The following ZNRF1 variants were observed in gnomAD, a reference collection of about 807,000 sequenced individuals.
ZNRF1 encodes the protein zinc and ring finger 1, also known as E3 ubiquitin-protein ligase ZNRF1.
ZNRF1 carries 3 observed loss-of-function variants against 18.4 expected under a neutral mutation model. The ratio of observed to expected loss-of-function variants is 0.16; its 90% CI spans 0.07 to 0.42. The LOEUF is 0.42. Ranked by LOEUF, ZNRF1 falls within the 10% of genes least tolerant of loss-of-function variation. The pLI is 0.99. For synonymous variants in ZNRF1, 157 were observed against 144.2 expected, an observed-to-expected ratio of 1.09 and a Z score of -0.64; for missense variants, 310 against 329.8, an observed-to-expected ratio of 0.94 and a Z score of 0.47.
chr16:75,103,768 C>T (rs897029304), intron 2 of ZNRF1, among the ~76,000 whole-genome samples: 2 of 152,126 alleles, frequency 1.3e-5, no homozygotes, highest in Non-Finnish European at 2.9e-5. Context: ...GGGTGGATCA[C>T]GAGGTCAGGA....
intron 1 of ZNRF1, among the ~76,000 whole-genome samples, chr16:75,077,952 A>G (rs534647881): frequency 1.3e-5 from 2 of 152,364 alleles, no homozygotes; most frequent in East Asian, 3.9e-4. Context: ...AAGGTTCTGT[A>G]TTCATCACAT....
intron 1 of ZNRF1, among the ~76,000 whole-genome samples, chr16:75,087,892 G>A (rs1334851482): frequency 6.6e-6 from 1 of 152,236 alleles, no homozygotes; most frequent in Non-Finnish European, 1.5e-5. Context: ...GGCGCTGGCT[G>A]GCTACTCCCC....
chr16:75,020,092 A>G (rs569727419), intron 1 of ZNRF1, among the ~76,000 whole-genome samples: 1 of 152,324 alleles, frequency 6.6e-6, no homozygotes, highest in South Asian at 2.1e-4. Flanking sequence ...TTCTCTTCAT[A>G]ATTTTGTCAA....
chr16:75,101,524 G>A (rs1284951080), intron 2 of ZNRF1, among the ~76,000 whole-genome samples: 1 of 151,872 alleles, frequency 6.6e-6, no homozygotes, highest in Non-Finnish European at 1.5e-5. Context: ...CCATCCTGGC[G>A]ATAGAGCGAG....
chr16:75,061,524 T>G (rs1567482673), intron 1 of ZNRF1, among the ~76,000 whole-genome samples: 1 of 106,928 alleles, frequency 9.4e-6, no homozygotes, highest in African/African-American at 3.5e-5. Flanking sequence ...TCATAGTGTA[T>G]ATGTACCTTC....
intron 1 of ZNRF1, among the ~76,000 whole-genome samples, chr16:75,064,251 A>G (rs1181851852): frequency 2.6e-5 from 4 of 152,092 alleles, no homozygotes; most frequent in African/African-American, 9.7e-5. Context: ...CGGTGAGCCA[A>G]GATTTGTGCC....
In ZNRF1 at chr16:75,067,437, TAC is replaced by T. The variant is rs59363872; in HGVS notation, c.425-26133_425-26132del. Reference sequence around the variant, plus strand: ...ATATATTGGTGCTATCTTTGGAAAATACAGTCTGCTACAAGTAAAACCCGTTC... The same window carrying T: ...ATATATTGGTGCTATCTTTGGAAAATAGTCTGCTACAAGTAAAACCCGTTC... On this transcript the variant is annotated intron_variant, in intron 1 of 4. Transcript: ENST00000335325. 6.8e-3 allele frequency among the ~76,000 whole-genome samples: 1,040 copies of T among 152,300 alleles called. 8 individuals carry two copies. The highest frequency in any genetic ancestry group is 0.024 in the African/African-American group (1,009 of 41,556).
At chr16:75,062,131 C>T (rs1486216905) in intron 1 of ZNRF1, among the ~76,000 whole-genome samples, 1 of 152,234 alleles carries the variant, frequency 6.6e-6, no homozygotes, top group Non-Finnish European at 1.5e-5. Context: ...TCAGTCACTT[C>T]AGAAGAATCG....
At chr16:75,098,668 G>C (rs945708411) in intron 2 of ZNRF1, among the ~76,000 whole-genome samples, 1 of 152,216 alleles carries the variant, frequency 6.6e-6, no homozygotes, top group Admixed American at 6.5e-5. Flanking sequence ...TGAGGTCAGG[G>C]GGTGGAACCT....
chr16:75,012,614 G>A (rs564671867), intron 1 of ZNRF1, among the ~76,000 whole-genome samples: 1 of 152,310 alleles, frequency 6.6e-6, no homozygotes, highest in South Asian at 2.1e-4. Context: ...GAAACATTTA[G>A]GGATACTGAG....
chr16:75,077,014 A>G lies in ZNRF1; in HGVS notation c.425-16558A>G, dbSNP rs118036176. 2.6e-5 allele frequency among the ~76,000 whole-genome samples: 4 copies of G among 152,194 alleles called. No individual in the cohort carries two copies. In the East Asian group the frequency reaches 5.8e-4, roughly 22 times the overall value. On this transcript the variant is annotated intron_variant, in intron 1 of 4. Coordinates refer to ENST00000335325, the MANE Select transcript of ZNRF1 (RefSeq NM_032268.5). ...TTGTTTAAGCCGTCCAGTCTGCAGT[A>G]TTTTGTTACAGCAGCTCAAACTGAC... is the stretch of plus-strand genomic sequence containing the variant.
chr16:75,024,100 C>T (rs2035190626), intron 1 of ZNRF1, among the ~76,000 whole-genome samples: 1 of 152,084 alleles, frequency 6.6e-6, no homozygotes, highest in Non-Finnish European at 1.5e-5. Context: ...GAACTCCTGA[C>T]CTCAGGTGAT....
At chr16:75,006,710 A>G (rs2034922757) in intron 1 of ZNRF1, among the ~76,000 whole-genome samples, 2 of 152,222 alleles carry the variant, frequency 1.3e-5, no homozygotes, top group Admixed American at 6.5e-5. Context: ...TGCTGGCATT[A>G]CAGGCATGAG....
chr16:75,106,597 G>T, intron 4 of ZNRF1, 26 bp downstream of exon 4: 1 of 1,605,802 alleles, frequency 6.2e-7, no homozygotes, highest in Non-Finnish European at 8.5e-7. Flanking sequence ...GGGGTGCTCC[G>T]GGCTCAAGGC....
chr16:75,079,209 C>T (rs920023727), intron 1 of ZNRF1, among the ~76,000 whole-genome samples: 34 of 152,112 alleles, frequency 2.2e-4, no homozygotes, highest in Admixed American at 1.8e-3. Flanking sequence ...GGGCCGGGCG[C>T]GGTGGCTCAT....
intron 1 of ZNRF1, among the ~76,000 whole-genome samples, chr16:75,064,563 A>G (rs1400394722): frequency 6.6e-4 from 96 of 146,200 alleles, no homozygotes; most frequent in Non-Finnish European, 8.4e-4. Context: ...CTCCGAGGGA[A>G]AAAAAAAAAA....
intron 2 of ZNRF1, among the ~76,000 whole-genome samples, chr16:75,100,959 A>T (rs1204229692): frequency 6.6e-6 from 1 of 152,156 alleles, no homozygotes; most frequent in Non-Finnish European, 1.5e-5. Context: ...TTTGAGACAG[A>T]GTCTCGTTCT....
chr16:75,095,148 G>C (rs920984806), intron 2 of ZNRF1: 1 of 153,276 alleles, frequency 6.5e-6, no homozygotes, highest in African/African-American at 2.4e-5. Context: ...TCAGCCAAAA[G>C]ACTCTGGATG....
intron 1 of ZNRF1, among the ~76,000 whole-genome samples, chr16:75,043,758 G>A (rs961238306): frequency 6.7e-6 from 1 of 148,532 alleles, no homozygotes; most frequent in Non-Finnish European, 1.5e-5. Flanking sequence ...GAAACCTGTT[G>A]CATATCAGGA....
Sources: gnomAD v4.1 joint callset for allele counts (sites outside exome capture counted in the v4.1 genomes callset) on GRCh38, gnomAD v4.1.1 for gene constraint, MANE v1.5 for transcripts, NCBI Gene and HGNC (gene_info 2026-07-23, HGNC 2026-07-21) for gene names.